The following RAB3B variants were observed in gnomAD, a reference collection of about 807,000 sequenced individuals.
RAB3B encodes the protein RAB3B, member RAS oncogene family, also known as ras-related protein Rab-3B.
RAB3B carries 11 observed loss-of-function variants against 20.5 expected under a neutral mutation model. That is an observed-to-expected ratio of 0.54 (90% CI 0.34 to 0.89). RAB3B has a LOEUF of 0.89. Ranked by LOEUF, RAB3B falls within the 40% of genes least tolerant of loss-of-function variation. The pLI is 0.02. For synonymous variants in RAB3B, 99 were observed against 106.3 expected (o/e 0.93, Z 0.42); for missense variants, 225 against 280.9 (o/e 0.80, Z 1.42).
intron 2 of RAB3B, among the ~76,000 whole-genome samples, chr1:51,945,386 C>T (rs181917409): frequency 3.9e-5 from 6 of 152,248 alleles, no homozygotes; most frequent in Non-Finnish European, 5.9e-5. Flanking sequence ...CATAATATTA[C>T]TACACATTTA....
chr1:51,908,073 A>G lies in RAB3B; in HGVS notation c.*11854T>C, dbSNP rs1683942893. On this transcript the variant is annotated 3_prime_UTR_variant, in exon 5 of 5. Coordinates refer to ENST00000371655, the MANE Select transcript of RAB3B (RefSeq NM_002867.4). ...ACAGATCAACACAGAACAAGGAAAC[A>G]CCATAGATATTTGTAAATGAGATCT... 6.6e-6 allele frequency: 1 copy of G among 152,268 alleles called. No homozygotes were observed. The highest frequency in any genetic ancestry group is 2.1e-4 in the South Asian group (1 of 4,818). 9.4% of individuals were successfully genotyped at this position (152,268 alleles called of 1,614,324 possible).
intron 2 of RAB3B, among the ~76,000 whole-genome samples, 192 bp from the exon 3 acceptor site, chr1:51,937,604 T>A (rs6697270): frequency 0.53 from 80,895 of 151,704 alleles, 22,598 homozygotes; most frequent in East Asian, 0.85. Flanking sequence ...TTCAAGTGAT[T>A]CTCCTGCCTC....
intron 2 of RAB3B, among the ~76,000 whole-genome samples, chr1:51,960,145 A>G (rs1684766534): frequency 6.6e-6 from 1 of 152,244 alleles, no homozygotes; most frequent in African/African-American, 2.4e-5. Context: ...AATCTAAGGT[A>G]GGAAAGGGCA....
chr1:51,937,166 G>A, intron 3 of RAB3B, 128 bp downstream of exon 3: 1 of 672,712 alleles, frequency 1.5e-6, no homozygotes, highest in South Asian at 1.8e-5. Context: ...GCTCTCGTCT[G>A]TAAACTCCTG....
intron 1 of RAB3B, among the ~76,000 whole-genome samples, chr1:51,978,438 G>A (rs1685038443): frequency 6.6e-6 from 1 of 152,144 alleles, no homozygotes; most frequent in African/African-American, 2.4e-5. Context: ...TTATTCCAAA[G>A]CCTTCAAAGC....
intron 2 of RAB3B, among the ~76,000 whole-genome samples, chr1:51,959,105 G>T (rs1468849448): frequency 6.6e-6 from 1 of 152,186 alleles, no homozygotes; most frequent in Non-Finnish European, 1.5e-5. Context: ...GGTTAGTATG[G>T]AAAGTTAAGG....
intron 2 of RAB3B, among the ~76,000 whole-genome samples, chr1:51,944,416 C>G (rs1684536886): frequency 6.6e-6 from 1 of 152,150 alleles, no homozygotes; most frequent in African/African-American, 2.4e-5. Context: ...ATTCTGCAGC[C>G]CATGGATCAA....
At chr1:51,937,239 T>G in intron 3 of RAB3B, 55 bp downstream of exon 3, 30 of 1,335,642 alleles carry the variant, frequency 2.2e-5, no homozygotes, top group Non-Finnish European at 3.0e-5. Context: ...ACCTAGCACA[T>G]GTTAGGTTTT....
rs1020760135 is a variant in RAB3B at position 51,972,481 on chromosome 1, T to G, written c.228+4409A>C. Among the ~76,000 whole-genome samples, 8 of 150,184 alleles carry G rather than the reference T, an allele frequency of 5.3e-5. No homozygotes were observed. The East Asian group carries it at 7.8e-4, about 15-fold the overall frequency. ...CTATACAGTATACACTATGCTTTTT[T>G]CTTTTTTCTTTTTTTTTTTTTTTTT... On this transcript the variant is annotated intron_variant, in intron 2 of 4. Transcript: ENST00000371655.
At chr1:51,984,365 T>C (rs1685126985) in intron 1 of RAB3B, among the ~76,000 whole-genome samples, 1 of 144,644 alleles carries the variant, frequency 6.9e-6, no homozygotes, top group African/African-American at 2.5e-5. Flanking sequence ...TTCCATCCTA[T>C]AGATGTGTCA....
At chr1:51,955,254 C>T (rs1230298712) in intron 2 of RAB3B, among the ~76,000 whole-genome samples, 1 of 152,138 alleles carries the variant, frequency 6.6e-6, no homozygotes, top group Non-Finnish European at 1.5e-5. Flanking sequence ...TTCCTGAAAA[C>T]AATAAATATT....
At position 51,920,109 on chromosome 1, in the gene RAB3B, C is replaced by G; in HGVS notation, c.478G>C (p.Asp160His). The change falls in exon 5 of 5, where the codon GAT (aspartate) becomes CAT (histidine). Residue 160 changes from aspartate to histidine, a missense_variant. By Grantham distance (81) the Asp-to-His change is moderately conservative (BLOSUM62 -1). Transcript: ENST00000371655. ...TCCTTTGCACTGGCTTCAAAGAAAT[C>G]AAACCCTGGAAAGAGGAGAGATACA... The part of the protein sequence containing the change: ...GQLLAEQLGF[D>H]FFEASAKENI... 6.2e-7 allele frequency: 1 copy of G among 1,607,550 alleles called. No individual in the cohort carries two copies. The highest frequency in any genetic ancestry group is 1.1e-5 in the South Asian group (1 of 90,614).
rs1054407317 is a variant in RAB3B, at chr1:51,918,195, T to A, written c.*1732A>T. On this transcript the variant is annotated 3_prime_UTR_variant, in exon 5 of 5. Transcript: ENST00000371655. ...CCACACTCTCTGGTAGAAACTAAGG[T>A]TTCACTCCCAGGAGAAAGGGGTTGG... is the stretch of plus-strand genomic sequence containing the variant. 6.6e-6 allele frequency: 1 copy of A among 152,166 alleles called. No homozygotes were observed. The highest frequency in any genetic ancestry group is 1.5e-5 in the Non-Finnish European group (1 of 68,020). The allele number at this position is 152,166 out of a possible 1,614,324, so 9.4% of individuals were successfully genotyped here.
chr1:51,951,337 A>C (rs995059017), intron 2 of RAB3B, among the ~76,000 whole-genome samples: 1 of 152,138 alleles, frequency 6.6e-6, no homozygotes, highest in Non-Finnish European at 1.5e-5. Flanking sequence ...AATCAATCTT[A>C]AAGTTCATCC....
intron 1 of RAB3B, among the ~76,000 whole-genome samples, chr1:51,983,526 T>TGTG (rs959766635): frequency 5.9e-5 from 9 of 152,214 alleles, no homozygotes; most frequent in Admixed American, 2.6e-4. Context: ...TATAGGTTTG[T>TGTG]GTAAGTATAC....
chr1:51,976,870 C>G lies in RAB3B; in HGVS notation c.228+20G>C. 1 of 1,608,012 alleles carries G rather than the reference C, an allele frequency of 6.2e-7. No individual in the cohort carries two copies. The highest frequency in any genetic ancestry group is 8.5e-7 in the Non-Finnish European group (1 of 1,174,604). ...CAGCCGCTTCTCAGGAAAATCCTGC[C>G]CAAGATTCCCGGGACTCACCCAGAT... On this transcript the variant is annotated intron_variant, in intron 2 of 4. Coordinates refer to ENST00000371655, the MANE Select transcript of RAB3B (RefSeq NM_002867.4).
intron 1 of RAB3B, among the ~76,000 whole-genome samples, chr1:51,979,590 T>G (rs1218973262): frequency 6.6e-6 from 1 of 151,858 alleles, no homozygotes; most frequent in Non-Finnish European, 1.5e-5. Flanking sequence ...TTTTTCTACA[T>G]AAAAACAAGG....
chr1:51,954,069 C>CA (rs1684674868), intron 2 of RAB3B, among the ~76,000 whole-genome samples: 1 of 151,990 alleles, frequency 6.6e-6, no homozygotes, highest in Non-Finnish European at 1.5e-5. Context: ...ATAACAGCTC[C>CA]AAATTGGAAA....
In RAB3B at chr1:51,914,064, C is replaced by A. The variant is rs1027887109; in HGVS notation, c.*5863G>T. On this transcript the variant is annotated 3_prime_UTR_variant, in exon 5 of 5. Transcript: ENST00000371655. ...TCAGCCAGAAGAACCACCCAGCCAA[C>A]CCACAGAATCATAAGAAATGATACA... is the stretch of plus-strand genomic sequence containing the variant. 6.6e-6 allele frequency: 1 copy of A among 152,328 alleles called. No individual in the cohort carries two copies. Among genetic ancestry groups the A allele is most frequent in the East Asian group, 1.9e-4 (1 of 5,190 alleles). 9.4% of individuals were successfully genotyped at this position (152,328 alleles called of 1,614,324 possible). A position where few individuals can be genotyped will look rare whatever the true frequency, so the allele number is the denominator to read the frequency against.
Sources: allele counts gnomAD v4.1 joint callset (sites outside exome capture counted in the v4.1 genomes callset), GRCh38; gene constraint gnomAD v4.1.1; transcripts MANE v1.5; gene names NCBI Gene and HGNC (gene_info 2026-07-23, HGNC 2026-07-21).